Variants in ANK2 observed in about 807,000 individuals in gnomAD.
ANK2 encodes the protein ankyrin 2, also known as ankyrin-2.
A neutral mutation model predicts 360.5 loss-of-function variants in ANK2; 83 were observed. That is an observed-to-expected ratio of 0.23 (90% CI 0.19 to 0.28). The LOEUF is 0.28. Among genes scored for constraint, ANK2 ranks in the 10% least tolerant of loss-of-function variants. ANK2 has a pLI of 1.00. For missense variants in ANK2, 4,201 were observed against 4,795.7 expected, an observed-to-expected ratio of 0.88 and a Z score of 3.66; for synonymous variants, 1,740 against 1,759.5, an observed-to-expected ratio of 0.99 and a Z score of 0.28.
intron 11 of ANK2, 129 bp downstream of exon 11, chr4:113,256,061 C>T: frequency 8.9e-7 from 1 of 1,124,920 alleles, no homozygotes; most frequent in Non-Finnish European, 1.3e-6. Flanking sequence ...AATTTGTCAT[C>T]CTTCACAATC....
intron 1 of ANK2, chr4:112,827,368 A>T (rs1344167063): frequency 5.2e-6 from 7 of 1,351,824 alleles, no homozygotes; most frequent in Admixed American, 1.7e-5. Flanking sequence ...GATACAGCAT[A>T]GAGATGCTAA....
intron 2 of ANK2, among the ~76,000 whole-genome samples, chr4:112,956,669 A>C (rs1039254202): frequency 6.6e-6 from 1 of 152,216 alleles, no homozygotes; most frequent in African/African-American, 2.4e-5. Flanking sequence ...TGAATTATTT[A>C]TTTCTTTCCA....
the ANK2 span, among the ~76,000 whole-genome samples, chr4:112,715,794 G>T: frequency 1.3e-5 from 2 of 152,090 alleles, no homozygotes; most frequent in Admixed American, 6.6e-5. Context: ...AATGAGGAAG[G>T]CATGGGACCA....
At chr4:113,080,053 C>T (rs962551105) in intron 1 of ANK2, among the ~76,000 whole-genome samples, 2 of 152,054 alleles carry the variant, frequency 1.3e-5, no homozygotes, top group African/African-American at 4.8e-5. Context: ...CACCTGACAC[C>T]ACACATGGCT....
At chr4:112,802,754 A>G in the ANK2 span, among the ~76,000 whole-genome samples, 2 of 152,202 alleles carry the variant, frequency 1.3e-5, no homozygotes, top group Non-Finnish European at 2.9e-5. Context: ...AATATAGACA[A>G]CATAGGAGTT....
chr4:113,270,605 C>T (rs188901881), intron 14 of ANK2, among the ~76,000 whole-genome samples: 18 of 152,170 alleles, frequency 1.2e-4, no homozygotes, highest in Middle Eastern at 6.8e-3. Context: ...CTCTACCTCC[C>T]ATTCTAAGCT....
the ANK2 span, among the ~76,000 whole-genome samples, chr4:112,807,170 T>C: frequency 6.6e-6 from 1 of 152,192 alleles, no homozygotes; most frequent in Admixed American, 6.5e-5. Flanking sequence ...CTGTTTCTAG[T>C]CTCTAGGCAC....
chr4:112,792,968 A>G, the ANK2 span, among the ~76,000 whole-genome samples: 1 of 152,162 alleles, frequency 6.6e-6, no homozygotes, highest in Non-Finnish European at 1.5e-5. Context: ...CCCATCTGCT[A>G]CCTCAAAACT....
intron 1 of ANK2, among the ~76,000 whole-genome samples, chr4:112,902,919 A>G (rs1034649858): frequency 6.6e-6 from 1 of 152,226 alleles, no homozygotes; most frequent in African/African-American, 2.4e-5. Flanking sequence ...GGCATTGAAC[A>G]GGGTGTGTGC....
chr4:112,775,263 A>G, the ANK2 span, among the ~76,000 whole-genome samples: 1 of 152,294 alleles, frequency 6.6e-6, no homozygotes, highest in South Asian at 2.1e-4. Flanking sequence ...TTATGCCTGT[A>G]ATCCCAGCAC....
intron 23 of ANK2, among the ~76,000 whole-genome samples, chr4:113,303,142 T>A (rs2075753692): frequency 6.6e-6 from 1 of 152,230 alleles, no homozygotes; most frequent in African/African-American, 2.4e-5. Context: ...AATAGCTATA[T>A]GATAACACAA....
At chr4:113,137,200 C>T (rs1283611226) in intron 1 of ANK2, among the ~76,000 whole-genome samples, 1 of 152,204 alleles carries the variant, frequency 6.6e-6, no homozygotes, top group Non-Finnish European at 1.5e-5. Flanking sequence ...TTGGAAAGAT[C>T]TCCTTGGCTA....
chr4:112,871,271 C>T (rs771991538), intron 1 of ANK2, among the ~76,000 whole-genome samples: 2 of 151,886 alleles, frequency 1.3e-5, no homozygotes, highest in African/African-American at 2.4e-5. Context: ...CTGCAATCTC[C>T]GTCTCCTGGG....
intron 22 of ANK2, among the ~76,000 whole-genome samples, chr4:113,298,574 A>G (rs988901806): frequency 5.3e-5 from 8 of 152,156 alleles, no homozygotes; most frequent in African/African-American, 1.9e-4. Flanking sequence ...TATTTTCTAC[A>G]TTTTTCATAT....
At chr4:113,229,939 T>C (rs1460294958) in intron 4 of ANK2, among the ~76,000 whole-genome samples, 1 of 152,212 alleles carries the variant, frequency 6.6e-6, no homozygotes, top group Non-Finnish European at 1.5e-5. Context: ...TCTCTTATTT[T>C]CATCCCTGCC....
At position 113,102,184 on chromosome 4, in the gene ANK2, G is replaced by A. The variant is rs114228456; in HGVS notation, c.84+52372G>A. Among the ~76,000 whole-genome samples, 395 of 152,072 alleles carry A rather than the reference G, an allele frequency of 2.6e-3. 2 individuals carry two copies. The highest frequency in any genetic ancestry group is 4.6e-3 in the African/African-American group (190 of 41,472). ...GGTTATAGACCTGGTGAGCAGCAGC[G>A]GTGGCTGGTGGCTGTGGGGATGAAA... On this transcript the variant is annotated intron_variant, in intron 1 of 45. Transcript: ENST00000357077.
intron 24 of ANK2, among the ~76,000 whole-genome samples, chr4:113,312,457 A>C (rs1191136319): frequency 1.3e-5 from 2 of 152,090 alleles, no homozygotes; most frequent in African/African-American, 4.8e-5. Context: ...TAGCAAAAAC[A>C]AACTTTTCTT....
At chr4:112,983,444 A>C (rs1051314871) in intron 2 of ANK2, among the ~76,000 whole-genome samples, 3 of 151,892 alleles carry the variant, frequency 2.0e-5, no homozygotes, top group African/African-American at 7.3e-5. Flanking sequence ...TGGGAGGCCG[A>C]GATGGGCAGA....
Position 113,199,001 on chromosome 4 carries a change from T to G in ANK2, c.286-10T>G, listed in dbSNP as rs1424126524. 2 of 1,603,992 alleles carry G rather than the reference T, an allele frequency of 1.2e-6. No individual in the cohort carries two copies. Among genetic ancestry groups the G allele is most frequent in the Admixed American group, 3.3e-5 (2 of 59,968 alleles). On this transcript the variant is annotated splice_polypyrimidine_tract_variant and intron_variant, in intron 3 of 45. Coordinates refer to ENST00000357077, the MANE Select transcript of ANK2 (RefSeq NM_001148.6). ...CCTTGAACATTTTCTATTTTGTTTC[T>G]CCAAAACAGAAGGGAAATACCGCTC... is the stretch of plus-strand genomic sequence containing the variant.
Sources: allele counts gnomAD v4.1 joint callset (sites outside exome capture counted in the v4.1 genomes callset), GRCh38; gene constraint gnomAD v4.1.1; transcripts MANE v1.5; gene names NCBI Gene and HGNC (gene_info 2026-07-23, HGNC 2026-07-21).